The following MBTPS2 variants were observed in gnomAD, a reference collection of about 807,000 sequenced individuals.
MBTPS2 encodes membrane-bound transcription factor site-2 protease.
In MBTPS2, 2 loss-of-function variants were observed where a neutral mutation model predicts 35.4. That is an observed-to-expected ratio of 0.06 (90% CI 0.02 to 0.18). The LOEUF is 0.18. MBTPS2 is among the 10% of genes least tolerant of loss of function. MBTPS2 has a pLI of 1.00. For synonymous variants in MBTPS2, 125 were observed against 140.4 expected (o/e 0.89, Z 0.77); for missense variants, 244 against 386.5 (o/e 0.63, Z 3.09).
intron 9 of MBTPS2, among the ~76,000 whole-genome samples, chrX:21,880,084 G>A (rs1160875069): frequency 1.9e-5 from 2 of 106,884 alleles, no homozygotes; most frequent in Admixed American, 2.0e-4. Context: ...CTCCAGAGTA[G>A]CTGGGATTAC....
intron 4 of MBTPS2, 98 bp downstream of exon 4, chrX:21,851,710 A>G: frequency 1.6e-6 from 1 of 615,721 alleles, no homozygotes; most frequent in South Asian, 2.3e-5. Flanking sequence ...ATACTTCACT[A>G]TTTTTCTTTC....
Position 21,884,808 on chromosome X carries a change from T to C in MBTPS2, c.*2153T>C, listed in dbSNP as rs1393985463. The C allele has an allele frequency of 2.1e-5, 14 of 679,676 alleles. No individual in the cohort carries two copies. The highest frequency in any genetic ancestry group is 2.3e-5 in the Non-Finnish European group (13 of 571,359). The allele number at this position is 679,676 out of a possible 1,213,427, so 56.0% of individuals were successfully genotyped here. A position where few individuals can be genotyped will look rare whatever the true frequency, so the allele number is the denominator to read the frequency against. On this transcript the variant is annotated 3_prime_UTR_variant, in exon 11 of 11. Transcript: ENST00000379484. ...TGTTATTTATGGATTAGAAAAAGCA[T>C]GTTTCTATTTAAGTAAGCTGTAAAA...
chrX:21,881,292 G>T (rs2092958981), intron 10 of MBTPS2, among the ~76,000 whole-genome samples: 1 of 111,877 alleles, frequency 8.9e-6, no homozygotes, highest in Admixed American at 9.5e-5. Context: ...CTGAGGTAAT[G>T]AATTCTGCCC....
chrX:21,869,765 T>C, intron 7 of MBTPS2, 87 bp downstream of exon 7: 1 of 731,781 alleles, frequency 1.4e-6, no homozygotes, highest in Admixed American at 2.3e-5. Flanking sequence ...ATACATTTAT[T>C]CTGTTCTAAT....
chrX:21,853,284 A>C (rs1039585284), intron 4 of MBTPS2, 92 bp from the exon 5 acceptor site: 22 of 689,723 alleles, frequency 3.2e-5, no homozygotes, highest in Non-Finnish European at 4.3e-5. Context: ...CAAGAATTCA[A>C]ATTACAGTGA....
intron 7 of MBTPS2, among the ~76,000 whole-genome samples, chrX:21,877,300 G>A (rs1269143994): frequency 9.0e-6 from 1 of 111,591 alleles, no homozygotes; most frequent in African/African-American, 3.3e-5. Flanking sequence ...AAATTAGCCG[G>A]GTGCAGTGGC....
At chrX:21,873,868 A>G (rs1183793242) in intron 7 of MBTPS2, among the ~76,000 whole-genome samples, 3 of 109,666 alleles carry the variant, frequency 2.7e-5, no homozygotes, top group African/African-American at 1.0e-4. Context: ...ATATTTGAAA[A>G]GCAAAAAGAC....
chrX:21,859,187 A>T (rs1248204492), intron 5 of MBTPS2, among the ~76,000 whole-genome samples: 3 of 112,118 alleles, frequency 2.7e-5, no homozygotes, highest in Non-Finnish European at 5.6e-5. Flanking sequence ...TTTAAATTGT[A>T]AAAAAATTCA....
intron 1 of MBTPS2, among the ~76,000 whole-genome samples, chrX:21,842,807 C>T (rs1215525248): frequency 1.8e-5 from 2 of 111,754 alleles, no homozygotes; most frequent in Admixed American, 1.9e-4. Flanking sequence ...TTGTAAAGTG[C>T]TTGGTAGTAA....
chrX:21,851,723 C>T (rs755711013), intron 4 of MBTPS2, 111 bp downstream of exon 4: 22 of 565,000 alleles, frequency 3.9e-5, no homozygotes, highest in Non-Finnish European at 5.9e-5. Flanking sequence ...TTTCTTTCTG[C>T]GGCTATTGCC....
intron 5 of MBTPS2, 147 bp downstream of exon 5, chrX:21,853,650 A>G (rs916866664): frequency 4.5e-5 from 24 of 532,453 alleles, no homozygotes; most frequent in Non-Finnish European, 7.2e-5. Context: ...TCAAAAGTAG[A>G]GGAGTAAAAT....
chrX:21,859,036 C>T, intron 5 of MBTPS2, among the ~76,000 whole-genome samples: 1 of 110,433 alleles, frequency 9.1e-6, no homozygotes, highest in Non-Finnish European at 1.9e-5. Context: ...TGAAACCATC[C>T]CCCGGCTACT....
At position 21,878,516 on chromosome X, in the gene MBTPS2, G is replaced by A. The variant is rs2092955523; in HGVS notation, c.1085G>A (p.Arg362Gln). Residue 362 changes from arginine (R) to glutamine (Q), a missense_variant, in exon 9 of 11, where the codon CGG becomes CAG. By Grantham distance (43) the Arg-to-Gln change is conservative (BLOSUM62 1). Transcript: ENST00000379484. Reference protein sequence around the residue: ...NKRLHTCLPARKAVEATQVCR... With the variant: ...NKRLHTCLPAQKAVEATQVCR... Reference sequence around the variant, plus strand: ...TTATAGCATACATGTCTTCCTGCCCGGAAAGCAGTTGAAGCAACTCAAGTT... The same window carrying A: ...TTATAGCATACATGTCTTCCTGCCCAGAAAGCAGTTGAAGCAACTCAAGTT... 4 of 1,204,768 alleles carry A rather than the reference G, an allele frequency of 3.3e-6. No homozygotes were observed. Among genetic ancestry groups the A allele is most frequent in the South Asian group, 1.8e-5 (1 of 56,631 alleles).
chrX:21,856,488 G>A, intron 5 of MBTPS2: 1 of 1,204,993 alleles, frequency 8.3e-7, no homozygotes, highest in Non-Finnish European at 1.1e-6. Flanking sequence ...CTCAGCCATG[G>A]CCTCCAACGA....
intron 5 of MBTPS2, chrX:21,858,542 C>T (rs749591405): frequency 8.1e-6 from 1 of 122,919 alleles, no homozygotes; most frequent in South Asian, 3.7e-4. Context: ...AGGAATGCCA[C>T]TAAACATCCT....
At chrX:21,871,799 C>T (rs2092947633) in intron 7 of MBTPS2, 1 of 111,308 alleles carries the variant, frequency 9.0e-6, no homozygotes, top group Non-Finnish European at 1.9e-5. Flanking sequence ...ATCTTATCCT[C>T]ATGATGTCAT....
At chrX:21,881,023 G>C (rs1268440736) in intron 10 of MBTPS2, 51 bp downstream of exon 10, 1 of 912,415 alleles carries the variant, frequency 1.1e-6, no homozygotes, top group Non-Finnish European at 1.6e-6. Flanking sequence ...CTTGGATCTT[G>C]ATCAATTTTA....
At chrX:21,844,372 G>T (rs1315337022) in intron 2 of MBTPS2, among the ~76,000 whole-genome samples, 1 of 110,239 alleles carries the variant, frequency 9.1e-6, no homozygotes, top group Non-Finnish European at 1.9e-5. Context: ...ACTTAGCCAG[G>T]CGTGGTGGTA....
intron 3 of MBTPS2, among the ~76,000 whole-genome samples, chrX:21,848,999 A>G: frequency 8.9e-6 from 1 of 112,317 alleles, no homozygotes; most frequent in Non-Finnish European, 1.9e-5. Context: ...TTTTTATGTA[A>G]CAGTAACACC....
Sources: gnomAD v4.1 joint callset for allele counts (sites outside exome capture counted in the v4.1 genomes callset) on GRCh38, gnomAD v4.1.1 for gene constraint, MANE v1.5 for transcripts, NCBI Gene and HGNC (gene_info 2026-07-23, HGNC 2026-07-21) for gene names.